Variants in CAST observed in about 807,000 individuals in gnomAD.
CAST encodes the protein calpastatin.
In CAST, 76 loss-of-function variants were observed where a neutral mutation model predicts 119.6. That is an observed-to-expected ratio of 0.64 (90% CI 0.53 to 0.77). The LOEUF is 0.77. Among genes scored for constraint, CAST ranks in the 30% least tolerant of loss-of-function variants. CAST has a pLI of 0.00. For synonymous variants in CAST, 319 were observed against 331.6 expected, an observed-to-expected ratio of 0.96 and a Z score of 0.41; for missense variants, 953 against 946.5, an observed-to-expected ratio of 1.01 and a Z score of -0.09.
intron 1 of CAST, among the ~76,000 whole-genome samples, chr5:96,624,045 AG>A (rs1457124871): frequency 6.6e-6 from 1 of 152,222 alleles, no homozygotes; most frequent in Non-Finnish European, 1.5e-5. Flanking sequence ...TATTTTGGCC[AG>A]ATCTAAGTAG....
At chr5:96,123,699 T>A in the CAST span, among the ~76,000 whole-genome samples, 2 of 152,122 alleles carry the variant, frequency 1.3e-5, no homozygotes, top group Non-Finnish European at 2.9e-5. Flanking sequence ...TGCAAAATAG[T>A]TTTAACAGTA....
In CAST at chr5:96,651,262, G is replaced by A. The variant is rs564587738; in HGVS notation, c.61-24277G>A. The stretch of plus-strand genomic sequence containing the variant: ...CAACTTGTAGTGGGACAAGAACTTC[G>A]GTTTCTCCACCACACTGCAGAGGAT... On this transcript the variant is annotated intron_variant, in intron 1 of 11. Coordinates refer to the CAST transcript ENST00000505143. Among the ~76,000 whole-genome samples, 368 of 152,256 alleles carry A rather than the reference G, an allele frequency of 2.4e-3. 2 individuals are homozygous for A. The highest frequency in any genetic ancestry group is 5.0e-3 in the Admixed American group (76 of 15,294).
chr5:96,726,788 T>C lies in CAST; in HGVS notation c.271-6T>C, dbSNP rs577117848. The C allele has an allele frequency of 1.2e-5, 20 of 1,608,348 alleles. No individual in the cohort carries two copies. The highest frequency in any genetic ancestry group is 4.5e-5 in the East Asian group (2 of 44,880). On this transcript the variant is annotated splice_polypyrimidine_tract_variant and splice_region_variant and intron_variant, in intron 4 of 31. Coordinates refer to ENST00000675179, the MANE Select transcript of CAST (RefSeq NM_001750.7). ...AATTATACCTGGGGCTGTGCTCTTA[T>C]ATTAGGCCATTCCAGTCAGCCAACA...
chr5:96,255,715 G>A, the CAST span, among the ~76,000 whole-genome samples: 2 of 152,086 alleles, frequency 1.3e-5, no homozygotes, highest in Non-Finnish European at 2.9e-5. Context: ...TTGAGTAACT[G>A]CTTTACAGAA....
At position 96,722,631 on chromosome 5, in the gene CAST, C is replaced by T. The variant is rs766936014; in HGVS notation, c.211-8C>T. 2 of 1,606,824 alleles carry T rather than the reference C, an allele frequency of 1.2e-6. No individual in the cohort carries two copies. Among genetic ancestry groups the T allele is most frequent in the South Asian group, 1.1e-5 (1 of 90,944 alleles). On this transcript the variant is annotated splice_region_variant and splice_polypyrimidine_tract_variant and intron_variant, in intron 3 of 31. Transcript: ENST00000675179. ...ATCGAACTTTCTATTTCTTTCTTTCCTTTCTAGGTGTCAGCTTCCTCTGGT... is the reference window on the plus strand; with the variant it reads ...ATCGAACTTTCTATTTCTTTCTTTCTTTTCTAGGTGTCAGCTTCCTCTGGT...
At chr5:96,459,996 G>A in the CAST span, among the ~76,000 whole-genome samples, 1,483 of 152,230 alleles carry the variant, frequency 9.7e-3, 25 homozygotes, top group East Asian at 0.038. Context: ...GGTCTTTCCA[G>A]GCTTAGCAAC....
the CAST span, among the ~76,000 whole-genome samples, chr5:96,169,006 G>C: frequency 6.6e-6 from 1 of 152,166 alleles, no homozygotes; most frequent in African/African-American, 2.4e-5. Flanking sequence ...AAAACAGTAA[G>C]GTCAAGTTGT....
At chr5:96,555,358 G>A (rs1026732494) in intron 1 of CAST, among the ~76,000 whole-genome samples, 7 of 152,210 alleles carry the variant, frequency 4.6e-5, no homozygotes, top group African/African-American at 1.7e-4. Context: ...CATCTCACTG[G>A]GGAGTGTCAG....
chr5:96,257,782 C>T, the CAST span, among the ~76,000 whole-genome samples: 1 of 152,212 alleles, frequency 6.6e-6, no homozygotes, highest in Non-Finnish European at 1.5e-5. Context: ...GTATTCTTTA[C>T]AGTTCTCCGA....
chr5:96,467,129 AT>A, the CAST span, among the ~76,000 whole-genome samples: 1 of 151,246 alleles, frequency 6.6e-6, no homozygotes, highest in African/African-American at 2.4e-5. Flanking sequence ...TTTTCATACC[AT>A]TTTTTTTCTG....
intron 1 of CAST, among the ~76,000 whole-genome samples, chr5:96,536,963 A>G (rs1745827752): frequency 6.6e-6 from 1 of 152,248 alleles, no homozygotes; most frequent in African/African-American, 2.4e-5. Flanking sequence ...ATCTTCTCCT[A>G]TGAGCACCCA....
the CAST span, among the ~76,000 whole-genome samples, chr5:96,089,108 G>A: frequency 8.8e-5 from 13 of 147,858 alleles, no homozygotes; most frequent in Admixed American, 8.1e-4. Context: ...AATATGCCCA[G>A]GCCTGAATAA....
the CAST span, among the ~76,000 whole-genome samples, chr5:96,410,150 A>G: frequency 7.1e-3 from 1,079 of 152,184 alleles, 13 homozygotes; most frequent in African/African-American, 0.025. Flanking sequence ...ATGCCCTTGA[A>G]GGGAAATCCA....
chr5:96,283,466 G>T, the CAST span, among the ~76,000 whole-genome samples: 1 of 152,180 alleles, frequency 6.6e-6, no homozygotes, highest in Non-Finnish European at 1.5e-5. Context: ...TTTCCTGGCC[G>T]CAGGCACTTA....
At chr5:96,052,766 G>C in the CAST span, among the ~76,000 whole-genome samples, 1 of 152,118 alleles carries the variant, frequency 6.6e-6, no homozygotes, top group Non-Finnish European at 1.5e-5. Context: ...AAATACTTTG[G>C]GAACAAGTGT....
At chr5:96,009,085 T>C in the CAST span, among the ~76,000 whole-genome samples, 1 of 152,196 alleles carries the variant, frequency 6.6e-6, no homozygotes, top group South Asian at 2.1e-4. Flanking sequence ...GTTCCTGTGT[T>C]AATTTGTTTA....
chr5:96,433,252 G>A, the CAST span: 2 of 599,536 alleles, frequency 3.3e-6, no homozygotes, highest in Non-Finnish European at 6.0e-6. Flanking sequence ...GCTGAGTGGA[G>A]CCCCAGCCCT....
At chr5:96,641,739 C>T (rs1037773227) in intron 1 of CAST, among the ~76,000 whole-genome samples, 1 of 152,280 alleles carries the variant, frequency 6.6e-6, no homozygotes, top group South Asian at 2.1e-4. Context: ...ATTGCAACCC[C>T]TTCATCCTCC....
chr5:96,092,356 T>G, the CAST span, among the ~76,000 whole-genome samples: 2 of 152,238 alleles, frequency 1.3e-5, no homozygotes, highest in Admixed American at 6.5e-5. Context: ...TATTTCTTAC[T>G]GCTTAAAATA....
Sources: allele counts gnomAD v4.1 joint callset (sites outside exome capture counted in the v4.1 genomes callset), GRCh38; gene constraint gnomAD v4.1.1; transcripts MANE v1.5; gene names NCBI Gene and HGNC (gene_info 2026-07-23, HGNC 2026-07-21).